SLIT2: variants seen among roughly 807,000 people sequenced by gnomAD.
The protein encoded by SLIT2 is slit guidance ligand 2.
Under a neutral mutation model 185.7 loss-of-function variants are expected in SLIT2, and 41 were observed. The observed-to-expected ratio is 0.22, with a 90% CI of 0.17 to 0.29. SLIT2 has a LOEUF of 0.29. Ranked by LOEUF, SLIT2 falls within the 10% of genes least tolerant of loss-of-function variation. The pLI, the probability that SLIT2 is intolerant of heterozygous loss-of-function variation, is 1.00. For missense variants in SLIT2, 1,571 were observed against 1,909.0 expected, an observed-to-expected ratio of 0.82 and a Z score of 3.30; for synonymous variants, 693 against 680.2, an observed-to-expected ratio of 1.02 and a Z score of -0.29.
intron 6 of SLIT2, among the ~76,000 whole-genome samples, chr4:20,483,531 G>C (rs918403175): frequency 1.3e-5 from 2 of 151,922 alleles, no homozygotes; most frequent in Non-Finnish European, 1.5e-5. Context: ...CCCTTGAATT[G>C]CTGCTTTTAC....
At chr4:20,534,983 A>G (rs1722140086) in intron 18 of SLIT2, among the ~76,000 whole-genome samples, 1 of 152,110 alleles carries the variant, frequency 6.6e-6, no homozygotes, top group Non-Finnish European at 1.5e-5. Context: ...TGATAGGCAA[A>G]CATTCACTCA....
chr4:20,485,813 A>G (rs1004497118), intron 6 of SLIT2, among the ~76,000 whole-genome samples: 2 of 152,236 alleles, frequency 1.3e-5, no homozygotes, highest in South Asian at 4.1e-4. Context: ...TCATTGACTC[A>G]TGGACACTAA....
At position 20,488,938 on chromosome 4, in the gene SLIT2, G is replaced by T. The variant is rs779569487; in HGVS notation, c.731G>T (p.Gly244Val). The change falls in exon 8 of 37, where the codon GGC (glycine) becomes GTC (valine). Residue 244 changes from glycine to valine, a missense_variant. Gly to Val is a moderately radical substitution (Grantham distance 109). Coordinates refer to ENST00000504154, the MANE Select transcript of SLIT2 (RefSeq NM_004787.4). ...TGTATGGGCCCCTCCCACCTGAGAG[G>T]CCATAATGTAGCCGAGGTTCAAAAA... ...TQCMGPSHLR[G>V]HNVAEVQKRE... The T allele has an allele frequency of 2.5e-6, 4 of 1,611,624 alleles. No homozygotes were observed. Among genetic ancestry groups the T allele is most frequent in the African/African-American group, 1.3e-5 (1 of 74,932 alleles).
chr4:20,509,465 A>G (rs1719507490), intron 9 of SLIT2, among the ~76,000 whole-genome samples: 1 of 152,094 alleles, frequency 6.6e-6, no homozygotes. Flanking sequence ...GAGACAGAGA[A>G]GGGAAGAAAT....
intron 4 of SLIT2, among the ~76,000 whole-genome samples, chr4:20,306,002 A>G (rs1007500951): frequency 7.9e-5 from 12 of 151,950 alleles, no homozygotes; most frequent in Non-Finnish European, 1.6e-4. Flanking sequence ...ACTCCTATGA[A>G]GTTATGCATA....
chr4:20,566,495 G>A (rs1725103521), intron 26 of SLIT2, among the ~76,000 whole-genome samples: 1 of 151,964 alleles, frequency 6.6e-6, no homozygotes, highest in African/African-American at 2.4e-5. Flanking sequence ...AATGGCTGTG[G>A]CTAAATATGC....
chr4:20,543,706 C>A (rs1421856187), intron 21 of SLIT2, among the ~76,000 whole-genome samples: 2 of 152,090 alleles, frequency 1.3e-5, no homozygotes, highest in East Asian at 1.9e-4. Context: ...ATTCTTTAAA[C>A]CCTAAGTTTG....
intron 10 of SLIT2, 28 bp downstream of exon 10, chr4:20,510,594 G>T: frequency 7.0e-7 from 1 of 1,436,930 alleles, no homozygotes; most frequent in East Asian, 2.3e-5. Flanking sequence ...TACAATATAT[G>T]TAATTTTAAA....
intron 21 of SLIT2, 96 bp from the exon 22 acceptor site, chr4:20,545,935 G>T: frequency 1.8e-6 from 1 of 546,552 alleles, no homozygotes; most frequent in Non-Finnish European, 3.1e-6. Flanking sequence ...TTGCCAAGGG[G>T]TTCCTTGCCT....
Position 20,511,090 on chromosome 4 carries a change from T to A in SLIT2, c.1011T>A (p.Ser337=), listed in dbSNP as rs112603988. ...RRIDLSNNQI[S]ELAPDAFQGL... The stretch of plus-strand genomic sequence containing the variant: ...GTGACCTGAGCAATAATCAGATCTC[T>A]GAACTTGCACCAGATGCTTTCCAAG... The change falls in exon 11 of 37, where the codon TCT becomes TCA. Residue 337 remains serine, a synonymous_variant. Transcript: ENST00000504154. 6.2e-6 allele frequency: 10 copies of A among 1,606,684 alleles called. No homozygotes were observed. The highest frequency in any genetic ancestry group is 8.5e-6 in the Non-Finnish European group (10 of 1,173,856).
intron 4 of SLIT2, among the ~76,000 whole-genome samples, chr4:20,329,813 A>G (rs1719913034): frequency 6.6e-6 from 1 of 152,026 alleles, no homozygotes; most frequent in Non-Finnish European, 1.5e-5. Context: ...ATAATATGCT[A>G]GCATCATAAC....
At chr4:20,308,337 C>A (rs1717772770) in intron 4 of SLIT2, among the ~76,000 whole-genome samples, 1 of 152,108 alleles carries the variant, frequency 6.6e-6, no homozygotes, top group African/African-American at 2.4e-5. Flanking sequence ...CTGGAGTGCT[C>A]CAAAGTGCCA....
rs754391352 is a variant in SLIT2, at chr4:20,617,509, G to A, written c.4207G>A (p.Gly1403Ser). Residue 1403 changes from glycine to serine, a missense_variant, in exon 36 of 37, where the codon GGT becomes AGT. Transcript: ENST00000504154. ...YSCKCLEGHG[G>S]VLCDEEEDLF... ...CTGTAAGTGCTTGGAGGGCCATGGA[G>A]GTGTCCTCTGTGATGAAGAGGAGGA... 3.1e-6 allele frequency: 5 copies of A among 1,614,096 alleles called. No individual in the cohort carries two copies. Among genetic ancestry groups the A allele is most frequent in the Non-Finnish European group, 4.2e-6 (5 of 1,179,990 alleles).
chr4:20,279,817 G>T (rs1368119836), intron 4 of SLIT2, among the ~76,000 whole-genome samples: 1 of 152,144 alleles, frequency 6.6e-6, no homozygotes. Flanking sequence ...ATAATGGGTT[G>T]TCACATATAA....
intron 3 of SLIT2, among the ~76,000 whole-genome samples, chr4:20,259,325 C>A (rs1712193172): frequency 6.6e-6 from 1 of 151,588 alleles, no homozygotes; most frequent in South Asian, 2.1e-4. Flanking sequence ...ATATTTTAAT[C>A]TTTAAGAAAG....
chr4:20,465,035 G>T (rs148965927), intron 4 of SLIT2, among the ~76,000 whole-genome samples: 144 of 152,208 alleles, frequency 9.5e-4, no homozygotes, highest in Non-Finnish European at 1.5e-3. Flanking sequence ...AGAAAATATA[G>T]ATCATTGTTC....
intron 4 of SLIT2, among the ~76,000 whole-genome samples, chr4:20,354,902 TGTGTGAGAGA>T (rs371077360): frequency 0.032 from 3,400 of 106,342 alleles, 44 homozygotes; most frequent in East Asian, 0.097. Context: ...TGTGTGTGTG[TGTGTGAGAGA>T]GAGAGAGAGA....
At chr4:20,515,621 A>G (rs1243446888) in intron 11 of SLIT2, among the ~76,000 whole-genome samples, 2 of 152,174 alleles carry the variant, frequency 1.3e-5, no homozygotes, top group Admixed American at 1.3e-4. Context: ...CCTCTGCTTT[A>G]TCTTTACTGT....
intron 18 of SLIT2, among the ~76,000 whole-genome samples, chr4:20,537,991 G>C (rs562895572): frequency 2.0e-5 from 3 of 151,950 alleles, no homozygotes; most frequent in Admixed American, 6.6e-5. Context: ...ACGGAGTCTC[G>C]CTCTGTCGCC....
Sources: allele counts gnomAD v4.1 joint callset (sites outside exome capture counted in the v4.1 genomes callset), GRCh38; gene constraint gnomAD v4.1.1; transcripts MANE v1.5; gene names NCBI Gene and HGNC (gene_info 2026-07-23, HGNC 2026-07-21).